NLGN4X: variants seen among roughly 807,000 people sequenced by gnomAD.
NLGN4X encodes the protein neuroligin 4 X-linked.
Under a neutral mutation model 40.3 loss-of-function variants are expected in NLGN4X, and 3 were observed. The ratio of observed to expected loss-of-function variants is 0.07; its 90% confidence interval spans 0.03 to 0.19. The LOEUF (loss-of-function observed/expected upper bound fraction) is 0.19. Ranked by LOEUF, NLGN4X falls within the 10% of genes least tolerant of loss-of-function variation. NLGN4X has a pLI of 1.00. For missense variants in NLGN4X, 382 were observed against 708.3 expected (o/e 0.54, Z 5.23); for synonymous variants, 270 against 306.8 (o/e 0.88, Z 1.25).
At chrX:6,102,787 TGATA>T (rs1329956765) in intron 2 of NLGN4X, among the ~76,000 whole-genome samples, 2 of 110,224 alleles carry the variant, frequency 1.8e-5, no homozygotes, top group African/African-American at 6.6e-5. Flanking sequence ...TACATAGAGA[TGATA>T]GATATAAATT....
At chrX:6,040,112 C>T (rs955127895) in intron 2 of NLGN4X, among the ~76,000 whole-genome samples, 1 of 110,294 alleles carries the variant, frequency 9.1e-6, no homozygotes, top group African/African-American at 3.3e-5. Flanking sequence ...TAATTTTGTT[C>T]TATTTCTTGT....
At chrX:6,191,136 G>C (rs1296777492) in intron 1 of NLGN4X, among the ~76,000 whole-genome samples, 2 of 109,103 alleles carry the variant, frequency 1.8e-5, no homozygotes, top group South Asian at 8.0e-4. Context: ...AAAGTAATCC[G>C]AAAGCACTGC....
intron 2 of NLGN4X, among the ~76,000 whole-genome samples, chrX:6,143,008 C>T (rs1451012782): frequency 8.9e-6 from 1 of 112,137 alleles, no homozygotes; most frequent in East Asian, 2.8e-4. Flanking sequence ...AGTTATGTCA[C>T]AGACGTTCAA....
intron 3 of NLGN4X, among the ~76,000 whole-genome samples, chrX:5,926,151 G>A (rs1377776708): frequency 4.8e-5 from 5 of 104,314 alleles, no homozygotes; most frequent in African/African-American, 1.7e-4. Flanking sequence ...GTTTTATAAG[G>A]GATTTCCCCT....
chrX:6,146,134 AAAAG>A (rs1421626019), intron 2 of NLGN4X, among the ~76,000 whole-genome samples: 1 of 110,848 alleles, frequency 9.0e-6, no homozygotes, highest in African/African-American at 3.3e-5. Flanking sequence ...AAAAAAAAAA[AAAAG>A]AACTTTCATG....
At chrX:6,069,242 C>T (rs1021661412) in intron 2 of NLGN4X, among the ~76,000 whole-genome samples, 3 of 107,396 alleles carry the variant, frequency 2.8e-5, no homozygotes, top group South Asian at 4.1e-4. Context: ...GAGCCGAGAT[C>T]GCGCCACTGC....
chrX:6,022,292 T>C (rs1412301875), intron 3 of NLGN4X, among the ~76,000 whole-genome samples: 1 of 111,697 alleles, frequency 9.0e-6, no homozygotes, highest in Non-Finnish European at 1.9e-5. Flanking sequence ...GGTGTGTTGA[T>C]TCTCGAAAAA....
rs1279736218 is a variant in NLGN4X at position 5,903,230 on chromosome X, C to A, written c.1448G>T (p.Ser483Ile). 1 of 1,210,454 alleles carries A rather than the reference C, an allele frequency of 8.3e-7. No homozygotes were observed. The highest frequency in any genetic ancestry group is 1.1e-6 in the Non-Finnish European group (1 of 895,373). Residue 483 changes from serine to isoleucine, a missense_variant, in exon 5 of 6, where the codon AGC becomes ATC. Transcript: ENST00000381095. ...ATCACCATGGGCCGAATCTGCCCAG[C>A]TGGGCTTCATTTCGCTTTGGCAGTG... ...YHHCQSEMKP[S>I]WADSAHGDEV... is the part of the protein sequence containing the mutation.
rs752677588 is a variant in NLGN4X at position 6,094,642 on chromosome X, G to C, written c.472+56353C>G. Among the ~76,000 whole-genome samples the C allele has an allele frequency of 1.2e-4, 13 of 111,248 alleles. No homozygotes were observed. In the South Asian group the frequency reaches 5.0e-3, roughly 43 times the overall value. On this transcript the variant is annotated intron_variant, in intron 2 of 5. Transcript: ENST00000381095. ...CACCCTACTTCACATTTCTGTTATG[G>C]GGTGGGGGGATACTAGACAGGGTAT...
chrX:5,966,271 A>G (rs1448969489), intron 3 of NLGN4X, among the ~76,000 whole-genome samples: 1 of 112,705 alleles, frequency 8.9e-6, no homozygotes, highest in East Asian at 2.8e-4. Context: ...AGTTTGGCAA[A>G]GTACAGTAAC....
intron 3 of NLGN4X, among the ~76,000 whole-genome samples, chrX:5,997,586 G>GTGTATATATACACACATA: frequency 2.1e-5 from 1 of 46,831 alleles, no homozygotes; most frequent in Non-Finnish European, 4.2e-5. Flanking sequence ...GTGTGTGTGT[G>GTGTATATATACACACATA]TATATATATA....
chrX:5,927,161 T>C lies in NLGN4X; in HGVS notation c.626-17922A>G, dbSNP rs764323971. ...CAATGCAGATATATTGTTTTGGCAA[T>C]CAGACAATTAGAAAAATATAAAAGA... On this transcript the variant is annotated intron_variant, in intron 3 of 5. Transcript: ENST00000381095. 4.5e-5 allele frequency among the ~76,000 whole-genome samples: 5 copies of C among 111,405 alleles called. No individual in the cohort carries two copies. In the South Asian group the frequency reaches 1.1e-3, roughly 25 times the overall value.
intron 3 of NLGN4X, among the ~76,000 whole-genome samples, chrX:5,979,926 G>A (rs1047908581): frequency 3.9e-5 from 4 of 102,962 alleles, no homozygotes; most frequent in Non-Finnish European, 7.7e-5. Flanking sequence ...ATACAATTTA[G>A]TATACTACAT....
intron 3 of NLGN4X, among the ~76,000 whole-genome samples, chrX:5,962,439 C>T (rs933897964): frequency 8.9e-6 from 1 of 111,989 alleles, no homozygotes; most frequent in African/African-American, 3.2e-5. Flanking sequence ...CATACCAACA[C>T]TTTTGCAAAA....
intron 1 of NLGN4X, among the ~76,000 whole-genome samples, chrX:6,208,731 C>T (rs1924275322): frequency 9.0e-6 from 1 of 111,672 alleles, no homozygotes; most frequent in Admixed American, 9.6e-5. Flanking sequence ...CAAAACATAA[C>T]AGAGGTTGAT....
intron 2 of NLGN4X, among the ~76,000 whole-genome samples, chrX:6,081,256 C>A (rs1455615811): frequency 9.0e-6 from 1 of 111,624 alleles, no homozygotes; most frequent in African/African-American, 3.3e-5. Flanking sequence ...CCACTGCAAT[C>A]CAGCCTGGGT....
At chrX:6,038,072 T>C (rs2037065412) in intron 2 of NLGN4X, among the ~76,000 whole-genome samples, 1 of 112,112 alleles carries the variant, frequency 8.9e-6, no homozygotes, top group Non-Finnish European at 1.9e-5. Context: ...AAGAAGGAGA[T>C]GAACATCAGA....
intron 2 of NLGN4X, among the ~76,000 whole-genome samples, chrX:6,116,321 T>C (rs1441385813): frequency 1.5e-5 from 1 of 65,303 alleles, no homozygotes; most frequent in Non-Finnish European, 2.9e-5. Flanking sequence ...AAAAAAACAC[T>C]GTGAAAGAGC....
intron 1 of NLGN4X, among the ~76,000 whole-genome samples, chrX:6,187,957 G>A (rs1373378301): frequency 8.9e-6 from 1 of 111,821 alleles, no homozygotes; most frequent in Non-Finnish European, 1.9e-5. Flanking sequence ...ATTAAGTCGG[G>A]GAAATTTTTG....
Sources: allele counts gnomAD v4.1 joint callset (sites outside exome capture counted in the v4.1 genomes callset), GRCh38; gene constraint gnomAD v4.1.1; transcripts MANE v1.5; gene names NCBI Gene and HGNC (gene_info 2026-07-23, HGNC 2026-07-21).